Variants in GRIN2B observed in about 807,000 individuals in gnomAD.
GRIN2B encodes glutamate ionotropic receptor NMDA type subunit 2B, also known as glutamate receptor ionotropic, NMDA 2B.
In GRIN2B, 5 loss-of-function variants were observed where a neutral mutation model predicts 114.5. The ratio of observed to expected loss-of-function variants is 0.04; its 90% CI spans 0.02 to 0.09. The LOEUF (loss-of-function observed/expected upper bound fraction) is 0.09, where lower values mean the gene tolerates loss of function less well. Among genes scored for constraint, GRIN2B ranks in the 10% least tolerant of loss-of-function variants. The pLI, the probability that GRIN2B is intolerant of heterozygous loss-of-function variation, is 1.00. For synonymous variants in GRIN2B, 787 were observed against 745.1 expected (o/e 1.06, Z -0.92); for missense variants, 1,108 against 1,943.5 (o/e 0.57, Z 8.08).
intron 4 of GRIN2B, among the ~76,000 whole-genome samples, chr12:13,717,078 T>C (rs936220654): frequency 8.4e-5 from 12 of 143,052 alleles, no homozygotes; most frequent in Admixed American, 4.0e-4. Context: ...TGTGTGTGTG[T>C]GTGTGTGTGT....
At chr12:13,795,173 G>A (rs993835669) in intron 3 of GRIN2B, among the ~76,000 whole-genome samples, 1 of 152,210 alleles carries the variant, frequency 6.6e-6, no homozygotes, top group Non-Finnish European at 1.5e-5. Context: ...AAAATAAGCT[G>A]TGTCCATCTA....
chr12:13,673,157 A>G (rs1166830449), intron 5 of GRIN2B, among the ~76,000 whole-genome samples: 3 of 152,148 alleles, frequency 2.0e-5, no homozygotes, highest in Non-Finnish European at 1.5e-5. Context: ...ATTTTATCTC[A>G]GTCAAAGATG....
intron 3 of GRIN2B, among the ~76,000 whole-genome samples, chr12:13,862,252 T>C (rs1565566318): frequency 6.6e-6 from 1 of 152,230 alleles, no homozygotes; most frequent in Non-Finnish European, 1.5e-5. Flanking sequence ...GCTGAACTGC[T>C]GAACTGTGTC....
chr12:13,791,406 T>G (rs992341032), intron 3 of GRIN2B, among the ~76,000 whole-genome samples: 2 of 149,580 alleles, frequency 1.3e-5, no homozygotes, highest in Admixed American at 6.8e-5. Flanking sequence ...GAGCCGAGAT[T>G]GCGCCACTGC....
chr12:13,976,125 A>G (rs556679752), intron 2 of GRIN2B, among the ~76,000 whole-genome samples: 2 of 152,346 alleles, frequency 1.3e-5, no homozygotes, highest in South Asian at 2.1e-4. Flanking sequence ...TCTCTGAGCT[A>G]TGCCTGCTCT....
In GRIN2B at chr12:13,561,971, A is replaced by AGAAACAATAGAAAGAG. The variant is rs1460825615; in HGVS notation, c.*796_*811dup. On this transcript the variant is annotated 3_prime_UTR_variant, in exon 14 of 14. Coordinates refer to ENST00000609686, the MANE Select transcript of GRIN2B (RefSeq NM_000834.5). ...AATCACACTGCTTGGGGATATTGAAAGAAACAATAGAAAGAGTCAAGGTTG... is the reference window on the plus strand; with the variant it reads ...AATCACACTGCTTGGGGATATTGAAAGAAACAATAGAAAGAGGAAACAATAGAAAGAGTCAAGGTTG... 6.6e-6 allele frequency: 1 copy of AGAAACAATAGAAAGAG among 152,660 alleles called. No homozygotes were observed. The highest frequency in any genetic ancestry group is 2.4e-5 in the African/African-American group (1 of 41,462). 9.5% of individuals were successfully genotyped at this position (152,660 alleles called of 1,614,324 possible). A position where few individuals can be genotyped will look rare whatever the true frequency, so the allele number is the denominator to read the frequency against.
chr12:13,737,044 A>AG (rs1555129609), intron 4 of GRIN2B, among the ~76,000 whole-genome samples: 3,216 of 145,800 alleles, frequency 0.022, 132 homozygotes, highest in African/African-American at 0.074. Context: ...AAAAAAAAAA[A>AG]AAGAAGAAGA....
At chr12:13,819,796 C>G (rs1864898644) in intron 3 of GRIN2B, among the ~76,000 whole-genome samples, 2 of 152,164 alleles carry the variant, frequency 1.3e-5, no homozygotes, top group South Asian at 4.1e-4. Context: ...CATATCTGAA[C>G]CTGTTGGATT....
intron 2 of GRIN2B, among the ~76,000 whole-genome samples, chr12:13,973,839 G>A (rs1044136938): frequency 6.6e-6 from 1 of 151,984 alleles, no homozygotes; most frequent in Non-Finnish European, 1.5e-5. Flanking sequence ...ATAAGGAGCA[G>A]AAAAAGATAG....
At chr12:13,691,121 C>T (rs1207491710) in intron 4 of GRIN2B, among the ~76,000 whole-genome samples, 1 of 151,828 alleles carries the variant, frequency 6.6e-6, no homozygotes, top group East Asian at 1.9e-4. Flanking sequence ...TACAAAATCC[C>T]ATTCTCACTC....
At chr12:13,724,315 G>A (rs996213220) in intron 4 of GRIN2B, among the ~76,000 whole-genome samples, 3 of 152,128 alleles carry the variant, frequency 2.0e-5, no homozygotes, top group African/African-American at 7.2e-5. Flanking sequence ...CAATGGAAAG[G>A]CCCGGCCAAT....
chr12:13,661,290 G>T (rs1417493898), intron 5 of GRIN2B, among the ~76,000 whole-genome samples: 2 of 152,142 alleles, frequency 1.3e-5, no homozygotes, highest in African/African-American at 4.8e-5. Context: ...CTCCTCATGT[G>T]CCTAAAACCT....
At chr12:13,731,977 T>G (rs1484294917) in intron 4 of GRIN2B, among the ~76,000 whole-genome samples, 1 of 152,212 alleles carries the variant, frequency 6.6e-6, no homozygotes. Context: ...TATTGGTTAA[T>G]AGTAACACTC....
chr12:13,847,259 C>A (rs1475429206), intron 3 of GRIN2B, among the ~76,000 whole-genome samples: 1 of 152,116 alleles, frequency 6.6e-6, no homozygotes, highest in Non-Finnish European at 1.5e-5. Flanking sequence ...TTAGCTACAG[C>A]TCCTCACCCA....
chr12:13,675,608 C>T, intron 5 of GRIN2B, 137 bp downstream of exon 5: 1 of 703,592 alleles, frequency 1.4e-6, no homozygotes. Flanking sequence ...GAAATGGCTT[C>T]TCCTGTGTAT....
At chr12:13,596,381 T>A (rs1465290723) in intron 10 of GRIN2B, among the ~76,000 whole-genome samples, 1 of 152,228 alleles carries the variant, frequency 6.6e-6, no homozygotes, top group Non-Finnish European at 1.5e-5. Flanking sequence ...TTTAGGAAAT[T>A]AATACCAAGG....
rs186115693 is a variant in GRIN2B, at chr12:13,582,505, C to T, written c.2011-10541G>A. ...CTTAATTGTTTCTGCTTGTTTTCCTCTTATTATTAACATTAGTGCTATAAT... is the reference window on the plus strand; with the variant it reads ...CTTAATTGTTTCTGCTTGTTTTCCTTTTATTATTAACATTAGTGCTATAAT... On this transcript the variant is annotated intron_variant, in intron 10 of 13. Transcript: ENST00000609686. Among the ~76,000 whole-genome samples, 322 of 152,330 alleles carry T rather than the reference C, an allele frequency of 2.1e-3. 2 individuals carry two copies. The highest frequency in any genetic ancestry group is 0.01 in the Middle Eastern group (3 of 294).
At chr12:13,953,837 G>C (rs1328545896) in intron 2 of GRIN2B, among the ~76,000 whole-genome samples, 2 of 152,152 alleles carry the variant, frequency 1.3e-5, no homozygotes, top group Non-Finnish European at 2.9e-5. Flanking sequence ...TTAGCTTTCA[G>C]CTCTTCTTAT....
At chr12:13,736,755 C>T (rs1863190954) in intron 4 of GRIN2B, among the ~76,000 whole-genome samples, 1 of 152,174 alleles carries the variant, frequency 6.6e-6, no homozygotes, top group Non-Finnish European at 1.5e-5. Flanking sequence ...CCGGGCCAAT[C>T]ATGCCTGTAA....
Sources: allele counts gnomAD v4.1 joint callset (sites outside exome capture counted in the v4.1 genomes callset), GRCh38; gene constraint gnomAD v4.1.1; transcripts MANE v1.5; gene names NCBI Gene and HGNC (gene_info 2026-07-23, HGNC 2026-07-21).